The following ANK2 variants were observed in gnomAD, a reference collection of about 807,000 sequenced individuals.
ANK2 encodes the protein ankyrin 2, also known as ankyrin-2.
In ANK2, 83 loss-of-function variants were observed where a neutral mutation model predicts 360.5. The ratio of observed to expected loss-of-function variants is 0.23; its 90% CI spans 0.19 to 0.28. ANK2 has a LOEUF of 0.28. Ranked by LOEUF, ANK2 falls within the 10% of genes least tolerant of loss-of-function variation. The pLI, the probability that ANK2 is intolerant of heterozygous loss-of-function variation, is 1.00. For synonymous variants in ANK2, 1,740 were observed against 1,759.5 expected, an observed-to-expected ratio of 0.99 and a Z score of 0.28; for missense variants, 4,201 against 4,795.7, an observed-to-expected ratio of 0.88 and a Z score of 3.66.
intron 1 of ANK2, among the ~76,000 whole-genome samples, chr4:113,169,056 C>A (rs771085018): frequency 1.6e-4 from 25 of 152,252 alleles, no homozygotes; most frequent in Admixed American, 1.2e-3. Flanking sequence ...TAAAAAAAGT[C>A]ATGTGTGTGC....
At chr4:113,154,835 T>C (rs924099873) in intron 1 of ANK2, among the ~76,000 whole-genome samples, 23 of 152,266 alleles carry the variant, frequency 1.5e-4, no homozygotes, top group African/African-American at 5.5e-4. Flanking sequence ...CAACTGCCAT[T>C]CTTATTTTAA....
In ANK2 at chr4:112,850,504, C is replaced by CTTTTTTTTTTTTTTTTTTTTTTTT. The variant is rs60510554; in HGVS notation, c.-40+32247_-40+32270dup. Among the ~76,000 whole-genome samples, 7 of 5,820 alleles carry CTTTTTTTTTTTTTTTTTTTTTTTT rather than the reference C, an allele frequency of 1.2e-3. 3 individuals are homozygous for CTTTTTTTTTTTTTTTTTTTTTTTT. The highest frequency in any genetic ancestry group is 7.4e-3 in the East Asian group (1 of 136). The allele number at this position is 5,820 out of a possible 152,430, so 3.8% of individuals were successfully genotyped here. On this transcript the variant is annotated intron_variant, in intron 1 of 30. Coordinates refer to the ANK2 transcript ENST00000503271. ...TTTTTTTAACATTTCCTGTGCTAGTCTTTTTTTTTTTTTTTTTTTTTTTTT... is the reference window on the plus strand; with the variant it reads ...TTTTTTTAACATTTCCTGTGCTAGTCTTTTTTTTTTTTTTTTTTTTTTTTTTTTTTTTTTTTTTTTTTTTTTTTT...
chr4:113,365,221 G>A (rs1343612411), intron 41 of ANK2, 39 bp downstream of exon 41: 4 of 1,597,544 alleles, frequency 2.5e-6, no homozygotes, highest in Admixed American at 3.4e-5. Flanking sequence ...GTGTGTGTGT[G>A]TGTGTGTGTG....
intron 29 of ANK2, among the ~76,000 whole-genome samples, chr4:113,335,139 A>G (rs533479719): frequency 1.3e-5 from 2 of 151,980 alleles, no homozygotes; most frequent in African/African-American, 4.8e-5. Flanking sequence ...TTTTTTTTGT[A>G]TTGCCCTGAA....
At chr4:113,001,920 G>A (rs531425012) in intron 2 of ANK2, among the ~76,000 whole-genome samples, 12 of 152,208 alleles carry the variant, frequency 7.9e-5, no homozygotes, top group Middle Eastern at 6.8e-3. Flanking sequence ...CAGCCAGAAA[G>A]CCCAAATTCT....
the ANK2 span, among the ~76,000 whole-genome samples, chr4:112,739,821 A>T: frequency 1.3e-5 from 2 of 152,082 alleles, no homozygotes; most frequent in African/African-American, 4.8e-5. Context: ...AGACCAGGCT[A>T]GGCAACATGG....
At chr4:113,372,635 G>A (rs1349386063) in intron 43 of ANK2, 1 of 1,518,990 alleles carries the variant, frequency 6.6e-7, no homozygotes, top group Non-Finnish European at 8.8e-7. Flanking sequence ...GGTACCCACT[G>A]TTAAATTACT....
intron 20 of ANK2, among the ~76,000 whole-genome samples, chr4:113,291,727 G>A (rs2067705655): frequency 6.6e-6 from 1 of 152,126 alleles, no homozygotes; most frequent in East Asian, 1.9e-4. Flanking sequence ...TGAAGCAGGT[G>A]GATTTTAATA....
intron 2 of ANK2, among the ~76,000 whole-genome samples, chr4:112,941,011 G>C (rs914329474): frequency 9.2e-5 from 14 of 152,014 alleles, no homozygotes; most frequent in African/African-American, 3.4e-4. Context: ...CATTTTTAAA[G>C]TTGAGAAAAC....
intron 2 of ANK2, among the ~76,000 whole-genome samples, chr4:112,991,839 G>A (rs997012480): frequency 6.7e-6 from 1 of 148,984 alleles, no homozygotes; most frequent in Non-Finnish European, 1.5e-5. Context: ...CTAGAACACA[G>A]TTCAGCCAAG....
chr4:113,147,182 G>T (rs1024586923), intron 1 of ANK2, among the ~76,000 whole-genome samples: 1 of 152,136 alleles, frequency 6.6e-6, no homozygotes, highest in South Asian at 2.1e-4. Context: ...GAAAAAAAAA[G>T]GTGGGGAGGG....
intron 1 of ANK2, among the ~76,000 whole-genome samples, chr4:113,107,561 C>T (rs1211070107): frequency 6.6e-6 from 1 of 152,088 alleles, no homozygotes; most frequent in African/African-American, 2.4e-5. Flanking sequence ...AGAGTGTGAG[C>T]TTATTAATGA....
chr4:112,756,237 CAA>C, the ANK2 span, among the ~76,000 whole-genome samples: 3 of 119,634 alleles, frequency 2.5e-5, no homozygotes. Flanking sequence ...GACTCTGTCT[CAA>C]AAAAAAAAAA....
At position 113,359,117 on chromosome 4, in the gene ANK2, A is replaced by T; in HGVS notation, c.10499A>T (p.Glu3500Val). 6.2e-7 allele frequency: 1 copy of T among 1,614,050 alleles called. No individual in the cohort carries two copies. The highest frequency in any genetic ancestry group is 1.1e-5 in the South Asian group (1 of 91,078). Residue 3500 changes from glutamate (E) to valine (V), a missense_variant, in exon 38 of 46, where the codon GAA becomes GTA. Glu to Val is a moderately radical substitution (Grantham distance 121, BLOSUM62 -2). Coordinates refer to ENST00000357077, the MANE Select transcript of ANK2 (RefSeq NM_001148.6). ...DRLTQSEREQ[E>V]IVSDDESSSA... ...CTGACACAGTCAGAGAGGGAGCAGG[A>T]AATAGTTTCAGACGATGAAAGTAGT...
At chr4:112,902,666 A>G (rs1415252779) in intron 1 of ANK2, among the ~76,000 whole-genome samples, 1 of 152,226 alleles carries the variant, frequency 6.6e-6, no homozygotes, top group African/African-American at 2.4e-5. Flanking sequence ...ATGCGAAGTG[A>G]ACTATGGGAA....
chr4:113,067,297 G>A (rs1199673325), intron 1 of ANK2, among the ~76,000 whole-genome samples: 1 of 152,130 alleles, frequency 6.6e-6, no homozygotes. Flanking sequence ...AGGCCACTGA[G>A]GGGACATGGG....
At chr4:113,173,097 T>C (rs115448780) in intron 1 of ANK2, among the ~76,000 whole-genome samples, 1 of 152,318 alleles carries the variant, frequency 6.6e-6, no homozygotes, top group African/African-American at 2.4e-5. Context: ...TAGATTTCAG[T>C]CACACCTTTC....
chr4:112,942,526 GGTA>G (rs2094301692), intron 2 of ANK2, among the ~76,000 whole-genome samples: 1 of 152,020 alleles, frequency 6.6e-6, no homozygotes, highest in African/African-American at 2.4e-5. Context: ...TTTGAACCCA[GGTA>G]GTCTTACTAA....
intron 1 of ANK2, among the ~76,000 whole-genome samples, chr4:113,172,503 G>C (rs2098014988): frequency 6.6e-6 from 1 of 152,054 alleles, no homozygotes; most frequent in African/African-American, 2.4e-5. Context: ...TATTAAATGG[G>C]CATAAGAATA....
Sources: gnomAD v4.1 joint callset for allele counts (sites outside exome capture counted in the v4.1 genomes callset) on GRCh38, gnomAD v4.1.1 for gene constraint, MANE v1.5 for transcripts, NCBI Gene and HGNC (gene_info 2026-07-23, HGNC 2026-07-21) for gene names.